NSD3: variants seen among roughly 807,000 people sequenced by gnomAD.
NSD3 encodes nuclear receptor binding SET domain protein 3.
In NSD3, 24 loss-of-function variants were observed where a neutral mutation model predicts 160.8. That is an observed-to-expected ratio of 0.15 (90% confidence interval 0.11 to 0.21). The LOEUF (loss-of-function observed/expected upper bound fraction) is 0.21, where lower values mean the gene tolerates loss of function less well. Ranked by LOEUF, NSD3 falls within the 10% of genes least tolerant of loss-of-function variation. NSD3 has a pLI of 1.00. For synonymous variants in NSD3, 520 were observed against 600.0 expected (o/e 0.87, Z 1.95); for missense variants, 1,157 against 1,735.9 (o/e 0.67, Z 5.93).
chr8:38,341,075 G>T (rs77844711), intron 2 of NSD3, among the ~76,000 whole-genome samples: 2,294 of 152,182 alleles, frequency 0.015, 85 homozygotes, highest in East Asian at 0.13. Context: ...AGAGTTCAAG[G>T]CTTCAATGGG....
In NSD3 at chr8:38,364,118, C is replaced by CA. The variant is rs796090512; in HGVS notation, c.-44-15904dup. On this transcript the variant is annotated intron_variant, in intron 1 of 23. Coordinates refer to ENST00000317025, the MANE Select transcript of NSD3 (RefSeq NM_023034.2). The stretch of plus-strand genomic sequence containing the variant: ...TGAAACCCCGTGTCTACTAAAAATA[C>CA]AAAAAAAAATTAGCCAGGCATGGTG... Among the ~76,000 whole-genome samples the CA allele has an allele frequency of 7.0e-4, 106 of 151,030 alleles. 1 individual carries two copies. The highest frequency in any genetic ancestry group is 2.4e-3 in the African/African-American group (98 of 41,166).
chr8:38,340,086 G>A (rs1401592446), intron 2 of NSD3, among the ~76,000 whole-genome samples: 3 of 151,468 alleles, frequency 2.0e-5, no homozygotes, highest in South Asian at 2.1e-4. Context: ...TTTATTATTC[G>A]TCTTTTCTGT....
chr8:38,277,927 A>G (rs1177201305), intron 22 of NSD3, among the ~76,000 whole-genome samples: 1 of 150,460 alleles, frequency 6.6e-6, no homozygotes, highest in Non-Finnish European at 1.5e-5. Flanking sequence ...TCACAAACAC[A>G]CAAACAGACT....
At chr8:38,354,140 C>G (rs1367419360) in intron 1 of NSD3, among the ~76,000 whole-genome samples, 1 of 152,208 alleles carries the variant, frequency 6.6e-6, no homozygotes, top group African/African-American at 2.4e-5. Flanking sequence ...AGCCATAAAA[C>G]CAGTCATTTA....
intron 15 of NSD3, among the ~76,000 whole-genome samples, chr8:38,297,492 G>A (rs1163179900): frequency 6.6e-6 from 1 of 152,170 alleles, no homozygotes; most frequent in Admixed American, 6.5e-5. Context: ...AAGGGTAAGA[G>A]CCCTCTATGC....
At chr8:38,355,301 T>G (rs946598928) in intron 1 of NSD3, among the ~76,000 whole-genome samples, 21 of 151,984 alleles carry the variant, frequency 1.4e-4, no homozygotes, top group Non-Finnish European at 2.5e-4. Context: ...TAAGAGTTAA[T>G]CCATGAACAG....
intron 7 of NSD3, among the ~76,000 whole-genome samples, chr8:38,325,844 G>C (rs1809896823): frequency 6.8e-6 from 1 of 147,228 alleles, no homozygotes; most frequent in Non-Finnish European, 1.5e-5. Flanking sequence ...ATGACAGAGT[G>C]AGACCCCGTC....
chr8:38,366,839 A>G (rs922773310), intron 1 of NSD3, among the ~76,000 whole-genome samples: 2 of 152,164 alleles, frequency 1.3e-5, no homozygotes, highest in Admixed American at 1.3e-4. Flanking sequence ...TACAATGGCC[A>G]TATTTCAAGC....
intron 1 of NSD3, among the ~76,000 whole-genome samples, chr8:38,366,323 G>A (rs1811104875): frequency 6.6e-6 from 1 of 150,940 alleles, no homozygotes; most frequent in Non-Finnish European, 1.5e-5. Flanking sequence ...AAACACACTG[G>A]AAAAATGAGA....
intron 12 of NSD3, among the ~76,000 whole-genome samples, chr8:38,311,041 T>A (rs1809523375): frequency 6.6e-6 from 1 of 151,520 alleles, no homozygotes. Context: ...TCAAGTGGCA[T>A]CTCATTGTGG....
chr8:38,299,353 G>A, intron 15 of NSD3, 91 bp downstream of exon 15: 3 of 1,382,722 alleles, frequency 2.2e-6, no homozygotes, highest in Non-Finnish European at 2.9e-6. Flanking sequence ...AACAGATGGT[G>A]CTTGACAGGC....
In NSD3 at chr8:38,274,437, G is replaced by T. The variant is rs1363549710; in HGVS notation, c.*1204C>A. The T allele has an allele frequency of 6.6e-6, 1 of 152,154 alleles. No individual in the cohort carries two copies. The highest frequency in any genetic ancestry group is 1.5e-5 in the Non-Finnish European group (1 of 68,032). 9.4% of individuals were successfully genotyped at this position (152,154 alleles called of 1,614,324 possible). A position where few individuals can be genotyped will look rare whatever the true frequency, so the allele number is the denominator to read the frequency against. Reference sequence around the variant, plus strand: ...TCTTATGCACCCTGTAAAAGTAGAAGTTCTTCCCCTTACTCAATGGGAGCA... The same window carrying T: ...TCTTATGCACCCTGTAAAAGTAGAATTTCTTCCCCTTACTCAATGGGAGCA... On this transcript the variant is annotated 3_prime_UTR_variant, in exon 24 of 24. Coordinates refer to ENST00000317025, the MANE Select transcript of NSD3 (RefSeq NM_023034.2).
In NSD3 at chr8:38,374,770, C is replaced by T. The variant is rs373749062; in HGVS notation, c.-45+7029G>A. ...CTGTAATCCCAGGACTTTGGGAGGC[C>T]GAGGTGGATGGATCACGAGGTCAGG... On this transcript the variant is annotated intron_variant, in intron 1 of 23. Coordinates refer to ENST00000317025, the MANE Select transcript of NSD3 (RefSeq NM_023034.2). Among the ~76,000 whole-genome samples the T allele has an allele frequency of 6.6e-5, 10 of 152,034 alleles. 1 individual carries two copies. The highest frequency in any genetic ancestry group is 5.2e-4 in the Admixed American group (8 of 15,262).
rs765071841 is a variant in NSD3, at chr8:38,316,970, G to A, written c.1856-928C>T. The A allele has an allele frequency of 6.8e-5, 72 of 1,060,138 alleles. No individual in the cohort carries two copies. Among genetic ancestry groups the A allele is most frequent in the Non-Finnish European group, 8.1e-5 (71 of 876,042 alleles). The allele number at this position is 1,060,138 out of a possible 1,614,324, so 65.7% of individuals were successfully genotyped here. On this transcript the variant is annotated intron_variant, in intron 9 of 23. Coordinates refer to ENST00000317025, the MANE Select transcript of NSD3 (RefSeq NM_023034.2). The surrounding 1 kb of genome is among the most constrained non-coding windows in gnomAD (Gnocchi z 4.5). ...GTGAATACCAAGGAACCAAGGAGACGGTTAATATTTCAACCCACAGTTTGT... is the reference window on the plus strand; with the variant it reads ...GTGAATACCAAGGAACCAAGGAGACAGTTAATATTTCAACCCACAGTTTGT...
At chr8:38,304,214 A>T (rs1809342963) in intron 14 of NSD3, among the ~76,000 whole-genome samples, 1 of 152,260 alleles carries the variant, frequency 6.6e-6, no homozygotes, top group Non-Finnish European at 1.5e-5. Context: ...ATCAGTTGAA[A>T]GTTCTGGTTT....
intron 1 of NSD3, among the ~76,000 whole-genome samples, chr8:38,353,264 A>T (rs539659703): frequency 6.6e-6 from 1 of 152,360 alleles, no homozygotes; most frequent in East Asian, 1.9e-4. Flanking sequence ...CAACTGAAAC[A>T]TTACCTTAAT....
chr8:38,367,023 A>G (rs1811121347), intron 1 of NSD3, among the ~76,000 whole-genome samples: 1 of 152,194 alleles, frequency 6.6e-6, no homozygotes, highest in South Asian at 2.1e-4. Flanking sequence ...AAATTTTTAA[A>G]GAAATCTGTT....
chr8:38,271,520 A>G lies in NSD3; in HGVS notation c.*4121T>C, dbSNP rs1479398222. 1 of 152,028 alleles carries G rather than the reference A, an allele frequency of 6.6e-6. No individual in the cohort carries two copies. 9.4% of individuals were successfully genotyped at this position (152,028 alleles called of 1,614,324 possible). ...CCAACTTTTCAGTATTTGTTAATTC[A>G]TTGCAAAGCTGTCTAATTATAGTAT... On this transcript the variant is annotated 3_prime_UTR_variant, in exon 24 of 24. Transcript: ENST00000317025.
At position 38,288,464 on chromosome 8, in the gene NSD3, C is replaced by A. The variant is rs557001764; in HGVS notation, c.3501+23G>T. The A allele has an allele frequency of 4.4e-5, 70 of 1,608,338 alleles. No homozygotes were observed. The highest frequency in any genetic ancestry group is 5.6e-5 in the Non-Finnish European group (66 of 1,176,136). On this transcript the variant is annotated intron_variant, in intron 19 of 23. Transcript: ENST00000317025. The surrounding 1 kb of genome is among the most constrained non-coding windows in gnomAD (Gnocchi z 4.5). ...AAAGCCAGGTTCTGGTCTCTTCCAC[C>A]CCCCACCACCATCCCATGCTACCTT...
Sources: gnomAD v4.1 joint callset for allele counts (sites outside exome capture counted in the v4.1 genomes callset) on GRCh38, gnomAD v4.1.1 for gene constraint, Gnocchi (gnomAD v3.1) non-coding constraint, MANE v1.5 for transcripts, NCBI Gene and HGNC (gene_info 2026-07-23, HGNC 2026-07-21) for gene names.